DNAH6: variants seen among roughly 807,000 people sequenced by gnomAD.
DNAH6 encodes the protein dynein axonemal heavy chain 6.
DNAH6 carries 340 observed loss-of-function variants against 491.4 expected under a neutral mutation model. The observed-to-expected ratio is 0.69, with a 90% CI of 0.63 to 0.76. The LOEUF (loss-of-function observed/expected upper bound fraction) is 0.76. DNAH6 is among the 30% of genes least tolerant of loss of function. The pLI, the probability that DNAH6 is intolerant of heterozygous loss-of-function variation, is 0.00. For missense variants in DNAH6, 4,443 were observed against 4,972.2 expected, an observed-to-expected ratio of 0.89 and a Z score of 3.20; for synonymous variants, 1,603 against 1,686.1, an observed-to-expected ratio of 0.95 and a Z score of 1.21.
intron 2 of DNAH6, among the ~76,000 whole-genome samples, chr2:84,518,900 A>C (rs1675863522): frequency 6.6e-6 from 1 of 152,194 alleles, no homozygotes; most frequent in African/African-American, 2.4e-5. Flanking sequence ...TTAAAAAATA[A>C]GCCAAACGCA....
intron 70 of DNAH6, among the ~76,000 whole-genome samples, chr2:84,804,756 A>G (rs1679256885): frequency 6.6e-6 from 1 of 152,224 alleles, no homozygotes; most frequent in Non-Finnish European, 1.5e-5. Flanking sequence ...CAGAAAATAT[A>G]CATTTTAATC....
At chr2:84,539,181 C>A (rs1677995303) in intron 4 of DNAH6, among the ~76,000 whole-genome samples, 1 of 152,044 alleles carries the variant, frequency 6.6e-6, no homozygotes, top group Admixed American at 6.6e-5. Context: ...TTGGAATAAT[C>A]AAAAACCCTC....
At chr2:84,510,243 G>A in the DNAH6 span, among the ~76,000 whole-genome samples, 1 of 152,150 alleles carries the variant, frequency 6.6e-6, no homozygotes, top group South Asian at 2.1e-4. Context: ...TTTTCACATA[G>A]TCCCATATTT....
intron 33 of DNAH6, among the ~76,000 whole-genome samples, chr2:84,651,730 C>G (rs1690472161): frequency 1.3e-5 from 2 of 152,206 alleles, no homozygotes; most frequent in South Asian, 4.2e-4. Context: ...TTCTCTCTAC[C>G]TTTCAGAGTC....
intron 37 of DNAH6, among the ~76,000 whole-genome samples, chr2:84,663,811 T>G (rs1476407634): frequency 6.6e-6 from 1 of 152,048 alleles, no homozygotes; most frequent in Non-Finnish European, 1.5e-5. Flanking sequence ...TCACCAAAGT[T>G]AAAATAAAGG....
chr2:84,815,620 A>T (rs892343470), intron 75 of DNAH6, among the ~76,000 whole-genome samples: 1 of 152,188 alleles, frequency 6.6e-6, no homozygotes, highest in Non-Finnish European at 1.5e-5. Context: ...TGCTAAGAAT[A>T]ACAGACGATG....
At chr2:84,744,966 C>T (rs972115216) in intron 62 of DNAH6, 114 bp from the exon 63 acceptor site, 1 of 659,032 alleles carries the variant, frequency 1.5e-6, no homozygotes, top group Non-Finnish European at 2.4e-6. Flanking sequence ...TTATAGTATA[C>T]TTGTGGTTAA....
chr2:84,584,030 T>C lies in DNAH6; in HGVS notation c.2261T>C (p.Val754Ala). ...AGCCTTGAAGATGAGGGGAATATAG[T>C]GACTCAAATGTACAAGCTTATGGAA... ...IESLEDEGNI[V>A]TQMYKLMEQY... The change falls in exon 15 of 77, where the codon GTG (valine) becomes GCG (alanine). Residue 754 changes from valine to alanine, a missense_variant. By Grantham distance (64) the Val-to-Ala change is moderately conservative. This residue lies in a region of DNAH6 where 2,977 missense variants were observed against 3,296.6 expected (regional missense o/e 0.90). Transcript: ENST00000389394. 6.2e-7 allele frequency: 1 copy of C among 1,614,144 alleles called. No homozygotes were observed. Among genetic ancestry groups the C allele is most frequent in the South Asian group, 1.1e-5 (1 of 91,072 alleles).
chr2:84,747,920 C>T (rs773907900), intron 63 of DNAH6, among the ~76,000 whole-genome samples: 5 of 152,310 alleles, frequency 3.3e-5, no homozygotes, highest in Middle Eastern at 6.8e-3. Context: ...AATAGCAGCC[C>T]AAGCTGTACC....
chr2:84,568,688 C>A (rs1301151851), intron 11 of DNAH6, among the ~76,000 whole-genome samples: 1 of 152,140 alleles, frequency 6.6e-6, no homozygotes, highest in Non-Finnish European at 1.5e-5. Flanking sequence ...CAAACCTGCA[C>A]ATCCTATCCT....
At chr2:84,692,138 T>A (rs2104782893) in intron 45 of DNAH6, among the ~76,000 whole-genome samples, 1 of 152,306 alleles carries the variant, frequency 6.6e-6, no homozygotes, top group South Asian at 2.1e-4. Flanking sequence ...CCACCAAAGA[T>A]GATGTATATA....
In DNAH6 at chr2:84,677,090, T is replaced by C; in HGVS notation, c.6698T>C (p.Leu2233Pro). 1.3e-6 allele frequency: 2 copies of C among 1,551,756 alleles called. No individual in the cohort carries two copies. Among genetic ancestry groups the C allele is most frequent in the Non-Finnish European group, 1.7e-6 (2 of 1,146,980 alleles). The change falls in exon 41 of 77, where the codon CTG becomes CCG. Residue 2233 changes from leucine (L) to proline (P), a missense_variant. Transcript: ENST00000389394. The stretch of plus-strand genomic sequence containing the variant: ...CGCTTCATCAGACACTTCAGCATGC[T>C]GTGCCTCCCAATGCCCTCAGAGCAC... ...TPRFIRHFSM[L>P]CLPMPSEHSL...
At position 84,518,054 on chromosome 2, in the gene DNAH6, A is replaced by G; in HGVS notation, c.225+3A>G. The G allele has an allele frequency of 6.5e-7, 1 of 1,539,498 alleles. No homozygotes were observed. On this transcript the variant is annotated splice_donor_region_variant and intron_variant, in intron 2 of 76. Transcript: ENST00000389394. ...AGCCTATAAAACTAGAGCCTTTGGT[A>G]AGTTCAAAAACCATTGTTTTAGCCT... is the stretch of plus-strand genomic sequence containing the variant.
the DNAH6 span, among the ~76,000 whole-genome samples, chr2:84,486,265 G>A: frequency 6.6e-6 from 1 of 152,098 alleles, no homozygotes; most frequent in Non-Finnish European, 1.5e-5. Context: ...TCACAATTCT[G>A]TACCTTTACT....
intron 33 of DNAH6, 128 bp downstream of exon 33, chr2:84,642,182 G>T: frequency 1.5e-6 from 1 of 680,076 alleles, no homozygotes; most frequent in Non-Finnish European, 2.5e-6. Context: ...AACTTATTTT[G>T]CAGTTTAAGA....
rs139430518 is a variant in DNAH6 at position 84,750,668 on chromosome 2, C to G, written c.10512+5419C>G. On this transcript the variant is annotated intron_variant, in intron 63 of 76. Transcript: ENST00000389394. The stretch of plus-strand genomic sequence containing the variant: ...AAAATGTTGAAGGTGGGTGAAGCAT[C>G]AAGTTCACTATTCTCTCATTTTATA... 5.3e-5 allele frequency: 8 copies of G among 152,238 alleles called. 1 individual carries two copies. In the East Asian group the frequency reaches 1.5e-3, roughly 29 times the overall value. The allele number at this position is 152,238 out of a possible 1,614,324, so 9.4% of individuals were successfully genotyped here.
the DNAH6 span, among the ~76,000 whole-genome samples, chr2:84,468,564 TAGAGA>T: frequency 1.3e-5 from 2 of 152,182 alleles, no homozygotes; most frequent in Non-Finnish European, 2.9e-5. Flanking sequence ...CCCAGGTGCT[TAGAGA>T]AAAGAAAATT....
chr2:84,815,589 A>C (rs926296088), intron 75 of DNAH6, among the ~76,000 whole-genome samples: 2 of 152,222 alleles, frequency 1.3e-5, no homozygotes, highest in African/African-American at 4.8e-5. Flanking sequence ...CTAGGAGGGC[A>C]TCCAAATCCT....
chr2:84,550,110 T>C, intron 9 of DNAH6, 53 bp downstream of exon 9: 1 of 1,392,258 alleles, frequency 7.2e-7, no homozygotes, highest in South Asian at 1.3e-5. Context: ...TATTGAGGAG[T>C]GCAAACTACG....
Sources: allele counts gnomAD v4.1 joint callset (sites outside exome capture counted in the v4.1 genomes callset), GRCh38; gene constraint gnomAD v4.1.1; regional missense constraint gnomAD v4.1.1; transcripts MANE v1.5; gene names NCBI Gene and HGNC (gene_info 2026-07-23, HGNC 2026-07-21).